The following CSMD1 variants were observed in gnomAD, a reference collection of about 807,000 sequenced individuals.
CSMD1 encodes the protein CUB and Sushi multiple domains 1.
In CSMD1, 213 loss-of-function variants were observed where a neutral mutation model predicts 417.5. The observed-to-expected ratio is 0.51, with a 90% CI of 0.46 to 0.57. The LOEUF (loss-of-function observed/expected upper bound fraction) is 0.57. CSMD1 is among the 20% of genes least tolerant of loss of function. The pLI is 0.00. For missense variants in CSMD1, 6,923 were observed against 4,529.7 expected, an observed-to-expected ratio of 1.53 and a Z score of -15.17; for synonymous variants, 2,862 against 1,736.8, an observed-to-expected ratio of 1.65 and a Z score of -16.11.
chr8:3,522,034 G>A (rs578134344), intron 10 of CSMD1, among the ~76,000 whole-genome samples: 54 of 152,170 alleles, frequency 3.5e-4, no homozygotes, highest in Non-Finnish European at 6.8e-4. Context: ...TTACATTAGA[G>A]TATTGCCTGT....
intron 5 of CSMD1, among the ~76,000 whole-genome samples, chr8:3,985,716 G>C (rs1280095924): frequency 1.3e-5 from 2 of 151,094 alleles, no homozygotes; most frequent in Non-Finnish European, 1.5e-5. Context: ...CTTGATTCAA[G>C]AAGTTAGATT....
chr8:4,756,815 G>A (rs150010054), intron 1 of CSMD1, among the ~76,000 whole-genome samples: 2 of 152,274 alleles, frequency 1.3e-5, no homozygotes, highest in East Asian at 1.9e-4. Context: ...CTGGATAATA[G>A]AAGAGCTGGG....
chr8:4,540,709 G>T (rs1415711066), intron 2 of CSMD1, among the ~76,000 whole-genome samples: 7 of 152,188 alleles, frequency 4.6e-5, no homozygotes, highest in African/African-American at 1.7e-4. Context: ...TGTAACTGCG[G>T]ATGCTTACCA....
chr8:3,084,883 A>G (rs570869673), intron 49 of CSMD1, among the ~76,000 whole-genome samples: 1 of 151,814 alleles, frequency 6.6e-6, no homozygotes, highest in East Asian at 1.9e-4. Flanking sequence ...CAAAAATCCT[A>G]CTTTTTGCTA....
chr8:3,363,194 G>C (rs1321660255), intron 20 of CSMD1, among the ~76,000 whole-genome samples: 1 of 152,122 alleles, frequency 6.6e-6, no homozygotes, highest in Non-Finnish European at 1.5e-5. Context: ...TCACAATCAA[G>C]TCTCAGCCTG....
chr8:4,632,332 G>C (rs1337911559), intron 2 of CSMD1, among the ~76,000 whole-genome samples: 1 of 152,100 alleles, frequency 6.6e-6, no homozygotes, highest in East Asian at 1.9e-4. Context: ...GGCCAACATG[G>C]TGAAACCCCG....
chr8:4,041,806 T>A (rs2554562), intron 3 of CSMD1, among the ~76,000 whole-genome samples: 121,431 of 151,958 alleles, frequency 0.8, 48,789 homozygotes, highest in African/African-American at 0.85. Context: ...CAAACAAACA[T>A]ACCCACAAAA....
At position 3,849,644 on chromosome 8, in the gene CSMD1, T is replaced by A. The variant is rs115289167; in HGVS notation, c.819-95602A>T. Among the ~76,000 whole-genome samples, 752 of 152,068 alleles carry A rather than the reference T, an allele frequency of 4.9e-3. 7 individuals carry two copies. Among genetic ancestry groups the A allele is most frequent in the African/African-American group, 0.016 (673 of 41,468 alleles). ...GCTGGAGCCTACCTGGGGAACAAGG[T>A]CGAAGTCCCCAGGGAGGGGTCGATT... is the stretch of plus-strand genomic sequence containing the variant. On this transcript the variant is annotated intron_variant, in intron 5 of 69. Transcript: ENST00000635120.
At chr8:4,401,345 C>T (rs1585018391) in intron 3 of CSMD1, among the ~76,000 whole-genome samples, 1 of 152,136 alleles carries the variant, frequency 6.6e-6, no homozygotes, top group Non-Finnish European at 1.5e-5. Flanking sequence ...ATCAAACCCA[C>T]ACGTATTGTT....
chr8:4,993,333 A>G (rs1811576041), intron 1 of CSMD1, among the ~76,000 whole-genome samples: 2 of 149,152 alleles, frequency 1.3e-5, no homozygotes, highest in Admixed American at 1.3e-4. Context: ...GGAGGCTAAA[A>G]ATGAGGACAG....
At chr8:4,145,751 C>A (rs377498888) in intron 3 of CSMD1, among the ~76,000 whole-genome samples, 4 of 151,158 alleles carry the variant, frequency 2.6e-5, no homozygotes, top group African/African-American at 7.4e-5. Flanking sequence ...AAAGTCAACA[C>A]TGATTCCCTG....
At chr8:4,346,587 G>A (rs1195342424) in intron 3 of CSMD1, among the ~76,000 whole-genome samples, 2 of 152,042 alleles carry the variant, frequency 1.3e-5, no homozygotes, top group South Asian at 2.1e-4. Flanking sequence ...GTTCTTGACT[G>A]ATTTCATTTC....
At chr8:4,920,519 C>G (rs923557282) in intron 1 of CSMD1, among the ~76,000 whole-genome samples, 1 of 152,108 alleles carries the variant, frequency 6.6e-6, no homozygotes, top group African/African-American at 2.4e-5. Flanking sequence ...GGGGACCTGT[C>G]CTCAGAAATT....
intron 1 of CSMD1, among the ~76,000 whole-genome samples, chr8:4,732,929 AG>A (rs1217783792): frequency 6.6e-6 from 1 of 152,124 alleles, no homozygotes; most frequent in African/African-American, 2.4e-5. Context: ...GGAGATCGGG[AG>A]GCAGCAAGGG....
chr8:3,577,641 G>T (rs144691119), intron 9 of CSMD1, among the ~76,000 whole-genome samples: 1 of 152,154 alleles, frequency 6.6e-6, no homozygotes, highest in Non-Finnish European at 1.5e-5. Context: ...CTGAATAGGT[G>T]TAACAGCCTT....
At chr8:4,200,478 T>A (rs769404579) in intron 3 of CSMD1, among the ~76,000 whole-genome samples, 1 of 152,174 alleles carries the variant, frequency 6.6e-6, no homozygotes, top group Non-Finnish European at 1.5e-5. Flanking sequence ...CAAAGTTGAA[T>A]CTCAGAGATA....
chr8:4,872,282 G>T (rs1038287928), intron 1 of CSMD1, among the ~76,000 whole-genome samples: 9 of 152,088 alleles, frequency 5.9e-5, no homozygotes, highest in Middle Eastern at 6.9e-3. Flanking sequence ...GCCTGATATG[G>T]TTAGGCTTTG....
intron 4 of CSMD1, among the ~76,000 whole-genome samples, chr8:4,027,771 TAAC>T (rs1797138423): frequency 2.0e-5 from 3 of 152,038 alleles, no homozygotes; most frequent in Non-Finnish European, 2.9e-5. Context: ...ATAACTAAAA[TAAC>T]ATAGTAAAGG....
Position 3,223,846 on chromosome 8 carries a change from G to C in CSMD1, c.4367C>G (p.Thr1456Arg), listed in dbSNP as rs758585923. The C allele has an allele frequency of 3.1e-6, 5 of 1,613,722 alleles. No individual in the cohort carries two copies. The South Asian group carries it at 4.4e-5, about 14-fold the overall frequency. The change falls in exon 28 of 70, where the codon ACG becomes AGG. Residue 1456 changes from threonine (T) to arginine (R), a missense_variant. By Grantham distance (71) the Thr-to-Arg change is moderately conservative (BLOSUM62 -1). Transcript: ENST00000635120. ...TCIAACGGNL[T>R]GPAGVILSPN... ...TGACAAAATAACACCTGCTGGGCCC[G>C]TCAGATTCCCTCCACAAGCAGCTGT...
Sources: allele counts gnomAD v4.1 joint callset (sites outside exome capture counted in the v4.1 genomes callset), GRCh38; gene constraint gnomAD v4.1.1; transcripts MANE v1.5; gene names NCBI Gene and HGNC (gene_info 2026-07-23, HGNC 2026-07-21).